The following FAS variants were observed in gnomAD, a reference collection of about 807,000 sequenced individuals.
The protein encoded by FAS is Fas cell surface death receptor, also known as tumor necrosis factor receptor superfamily member 6.
In FAS, 5 loss-of-function variants were observed where a neutral mutation model predicts 33.2. That is an observed-to-expected ratio of 0.15 (90% confidence interval 0.08 to 0.32). FAS has a LOEUF of 0.32. Among genes scored for constraint, FAS ranks in the 10% least tolerant of loss-of-function variants. FAS has a pLI of 1.00. For missense variants in FAS, 339 were observed against 386.0 expected (o/e 0.88, Z 1.02); for synonymous variants, 131 against 130.7 (o/e 1.00, Z -0.01).
At chr10:88,992,058 A>G (rs2133395599) in intron 1 of FAS, among the ~76,000 whole-genome samples, 1 of 152,322 alleles carries the variant, frequency 6.6e-6, no homozygotes, top group African/African-American at 2.4e-5. Context: ...AATGAGGTTC[A>G]GAGAGCTTCA....
chr10:88,984,411 C>A (rs569109834), upstream of FAS, among the ~76,000 whole-genome samples: 1 of 152,264 alleles, frequency 6.6e-6, no homozygotes, highest in South Asian at 2.1e-4. Context: ...GAATGGATTA[C>A]ACCCCACAGT....
chr10:88,976,893 T>C (rs1323926821), intron 2 of FAS, among the ~76,000 whole-genome samples: 1 of 152,222 alleles, frequency 6.6e-6, no homozygotes, highest in East Asian at 1.9e-4. Flanking sequence ...AAACCAATGC[T>C]GATGTTTGTA....
intron 1 of FAS, among the ~76,000 whole-genome samples, chr10:88,999,122 C>T (rs1255172180): frequency 6.6e-6 from 1 of 151,190 alleles, no homozygotes. Context: ...CACTGCACCT[C>T]CAGCCTGGCA....
chr10:89,007,579 A>C, intron 2 of FAS, 121 bp from the exon 3 acceptor site: 1 of 1,235,814 alleles, frequency 8.1e-7, no homozygotes, highest in Non-Finnish European at 1.1e-6. Flanking sequence ...ATATCTCATT[A>C]GCCTACCCCC....
intron 2 of FAS, among the ~76,000 whole-genome samples, chr10:89,007,289 G>A (rs995050781): frequency 1.1e-4 from 16 of 152,188 alleles, no homozygotes; most frequent in African/African-American, 3.9e-4. Flanking sequence ...TGAAAAGTCA[G>A]AGCAATGTGA....
At chr10:89,011,956 C>A (rs1795889244) in intron 6 of FAS, 43 bp from the exon 7 acceptor site, 1 of 1,521,760 alleles carries the variant, frequency 6.6e-7, no homozygotes, top group East Asian at 2.3e-5. Flanking sequence ...ATGCATTCTA[C>A]AAGGCTGAGA....
upstream of FAS, among the ~76,000 whole-genome samples, chr10:88,988,232 A>G (rs1042061396): frequency 1.3e-5 from 2 of 152,246 alleles, no homozygotes; most frequent in African/African-American, 4.8e-5. Flanking sequence ...ACTTGGAAGT[A>G]CTATTACCAG....
intron 1 of FAS, among the ~76,000 whole-genome samples, chr10:88,991,777 C>T (rs570896389): frequency 2.6e-5 from 4 of 152,154 alleles, no homozygotes; most frequent in African/African-American, 4.8e-5. Flanking sequence ...CAGAACCCGG[C>T]GCCTATTATT....
chr10:89,009,153 T>A (rs1229617478), intron 4 of FAS, among the ~76,000 whole-genome samples, 156 bp downstream of exon 4: 1 of 152,174 alleles, frequency 6.6e-6, no homozygotes, highest in Admixed American at 6.5e-5. Context: ...TAAACACTGG[T>A]GAACTTCCTG....
intron 2 of FAS, among the ~76,000 whole-genome samples, chr10:88,978,551 G>T (rs1032403408): frequency 2.0e-5 from 3 of 152,184 alleles, no homozygotes; most frequent in Non-Finnish European, 4.4e-5. Flanking sequence ...GTTGGAAAGT[G>T]GTAAGAGAGA....
chr10:89,006,216 G>A (rs1347542262), intron 2 of FAS, among the ~76,000 whole-genome samples: 1 of 152,106 alleles, frequency 6.6e-6, no homozygotes, highest in Non-Finnish European at 1.5e-5. Flanking sequence ...AATACCACTA[G>A]CAAAAAATAA....
upstream of FAS, among the ~76,000 whole-genome samples, chr10:88,982,703 CAAGTAAG>C (rs1846741375): frequency 1.3e-5 from 2 of 151,954 alleles, no homozygotes; most frequent in Non-Finnish European, 2.9e-5. Flanking sequence ...TTTATGTAGT[CAAGTAAG>C]ACTTGTTTCT....
upstream of FAS, among the ~76,000 whole-genome samples, chr10:88,982,141 T>C (rs1846726726): frequency 6.6e-6 from 1 of 152,222 alleles, no homozygotes; most frequent in Admixed American, 6.5e-5. Context: ...AGCTTACTGG[T>C]TGGGTGACTA....
At chr10:88,968,543 C>T (rs1043545715) in intron 1 of FAS, among the ~76,000 whole-genome samples, 16 of 152,214 alleles carry the variant, frequency 1.1e-4, no homozygotes, top group African/African-American at 2.6e-4. Flanking sequence ...ACATGTTTGT[C>T]GGTAGAGTAC....
rs1376494414 is a variant in FAS, at chr10:89,014,758, T to C, written c.*308T>C. On this transcript the variant is annotated 3_prime_UTR_variant, in exon 9 of 9. Coordinates refer to ENST00000652046, the MANE Select transcript of FAS (RefSeq NM_000043.6). ...TGGCATCTAACATATGATTCTGTAG[T>C]ATGAATGTAATCAGTGTATGTTAGT... The C allele has an allele frequency of 3.5e-6, 2 of 576,404 alleles. No homozygotes were observed. Among genetic ancestry groups the C allele is most frequent in the East Asian group, 3.6e-5 (1 of 27,756 alleles). The allele number at this position is 576,404 out of a possible 1,614,324, so 35.7% of individuals were successfully genotyped here.
intron 1 of FAS, among the ~76,000 whole-genome samples, chr10:88,970,422 T>C (rs1388972159): frequency 3.9e-5 from 6 of 152,162 alleles, no homozygotes; most frequent in Admixed American, 3.9e-4. Flanking sequence ...TCCAGCTTCA[T>C]AGGAGCTTAG....
At chr10:89,011,920 C>A in intron 6 of FAS, 79 bp from the exon 7 acceptor site, 2 of 1,241,508 alleles carry the variant, frequency 1.6e-6, no homozygotes, top group African/African-American at 1.5e-5. Context: ...TCTTATATTT[C>A]TCTTAGTGTG....
intron 4 of FAS, 64 bp downstream of exon 4, chr10:89,009,061 G>A (rs972449017): frequency 2.4e-5 from 34 of 1,394,464 alleles, no homozygotes; most frequent in Admixed American, 3.4e-5. Flanking sequence ...ATTTTCCTAG[G>A]GAAGTAACAC....
intron 1 of FAS, among the ~76,000 whole-genome samples, chr10:88,997,149 T>A (rs908948441): frequency 1.3e-5 from 2 of 152,226 alleles, no homozygotes; most frequent in African/African-American, 4.8e-5. Flanking sequence ...TTCTGCTTCC[T>A]CTAACCTAGT....
Sources: allele counts gnomAD v4.1 joint callset (sites outside exome capture counted in the v4.1 genomes callset), GRCh38; gene constraint gnomAD v4.1.1; transcripts MANE v1.5; gene names NCBI Gene and HGNC (gene_info 2026-07-23, HGNC 2026-07-21).